EIF4G3: variants seen among roughly 807,000 people sequenced by gnomAD.
The protein encoded by EIF4G3 is eIF-4-gamma 3.
A neutral mutation model predicts 186.4 loss-of-function variants in EIF4G3; 34 were observed. The ratio of observed to expected loss-of-function variants is 0.18; its 90% CI spans 0.14 to 0.24. The LOEUF (loss-of-function observed/expected upper bound fraction) is 0.24. Among genes scored for constraint, EIF4G3 ranks in the 10% least tolerant of loss-of-function variants. The pLI, the probability that EIF4G3 is intolerant of heterozygous loss-of-function variation, is 1.00. For missense variants in EIF4G3, 1,536 were observed against 1,948.5 expected (o/e 0.79, Z 3.99); for synonymous variants, 673 against 679.5 (o/e 0.99, Z 0.15).
intron 4 of EIF4G3, among the ~76,000 whole-genome samples, chr1:21,040,079 CGTCT>C (rs2093474410): frequency 3.3e-5 from 5 of 152,188 alleles, no homozygotes; most frequent in Admixed American, 3.3e-4. Context: ...GAATCGCCAA[CGTCT>C]GTCTTTTTGT....
chr1:21,028,118 A>G (rs543108480), intron 4 of EIF4G3, among the ~76,000 whole-genome samples: 2 of 152,218 alleles, frequency 1.3e-5, no homozygotes, highest in Admixed American at 1.3e-4. Context: ...GGCTGTTGCC[A>G]GGGTGCAAAG....
chr1:21,106,459 A>G (rs2096619964), intron 2 of EIF4G3, among the ~76,000 whole-genome samples: 1 of 152,160 alleles, frequency 6.6e-6, no homozygotes, highest in African/African-American at 2.4e-5. Context: ...AGGAATAACC[A>G]AGAATAGTTT....
chr1:20,819,944 GAGAGAGAGAC>G (rs1013306939), intron 33 of EIF4G3, among the ~76,000 whole-genome samples: 1 of 152,098 alleles, frequency 6.6e-6, no homozygotes, highest in African/African-American at 2.4e-5. Context: ...CAGAAAGAAA[GAGAGAGAGAC>G]AGAGAGAGAG....
intron 2 of EIF4G3, among the ~76,000 whole-genome samples, chr1:21,163,356 T>C (rs921707113): frequency 2.6e-5 from 4 of 152,220 alleles, no homozygotes; most frequent in Non-Finnish European, 5.9e-5. Flanking sequence ...CAAACTCTAA[T>C]ATTTCTGAAA....
At position 21,035,242 on chromosome 1, in the gene EIF4G3, T is replaced by C. The variant is rs375854216; in HGVS notation, c.-67+15624A>G. 2.0e-5 allele frequency among the ~76,000 whole-genome samples: 3 copies of C among 152,302 alleles called. No individual in the cohort carries two copies. The South Asian group carries it at 6.2e-4, about 32-fold the overall frequency. On this transcript the variant is annotated intron_variant, in intron 4 of 36. Transcript: ENST00000602326. ...TGTGCAGGGCTGGCCAGGGCCACCATGCCACCTGCACCTTACCTGCCGTGG... is the reference window on the plus strand; with the variant it reads ...TGTGCAGGGCTGGCCAGGGCCACCACGCCACCTGCACCTTACCTGCCGTGG...
At position 21,120,490 on chromosome 1, in the gene EIF4G3, T is replaced by C. The variant is rs542546010; in HGVS notation, c.-271-31277A>G. On this transcript the variant is annotated intron_variant, in intron 2 of 36. Coordinates refer to ENST00000602326, the MANE Select transcript of EIF4G3 (RefSeq NM_001391906.1). ...TAAAAATAGAAAAATTAGTTGGGCA[T>C]GGTGGTGCATGCCTATAATCCCAGC... Among the ~76,000 whole-genome samples the C allele has an allele frequency of 5.3e-5, 8 of 151,934 alleles. No individual in the cohort carries two copies. In the East Asian group the frequency reaches 1.6e-3, roughly 29 times the overall value.
chr1:20,979,946 T>C (rs1434293384), intron 10 of EIF4G3, among the ~76,000 whole-genome samples: 2 of 152,138 alleles, frequency 1.3e-5, no homozygotes, highest in African/African-American at 4.8e-5. Flanking sequence ...GAGACGGGGT[T>C]TCACCATGTT....
At chr1:21,080,702 G>C (rs934253232) in intron 3 of EIF4G3, among the ~76,000 whole-genome samples, 2 of 152,008 alleles carry the variant, frequency 1.3e-5, no homozygotes, top group Non-Finnish European at 2.9e-5. Flanking sequence ...TAGAGATAGG[G>C]TTTCACCATG....
chr1:20,960,670 G>T lies in EIF4G3; in HGVS notation c.714+8804C>A, dbSNP rs537521450. The stretch of plus-strand genomic sequence containing the variant: ...CAGAAGGCTGAGGTGGAGGTGGGAG[G>T]ATTGCTTGAGCCCAGGATGTCAAGG... On this transcript the variant is annotated intron_variant, in intron 12 of 36. Coordinates refer to ENST00000602326, the MANE Select transcript of EIF4G3 (RefSeq NM_001391906.1). 4.6e-5 allele frequency among the ~76,000 whole-genome samples: 7 copies of T among 152,166 alleles called. No individual in the cohort carries two copies. In the East Asian group the frequency reaches 1.4e-3, roughly 30 times the overall value.
intron 2 of EIF4G3, among the ~76,000 whole-genome samples, chr1:21,107,372 A>G (rs761489369): frequency 6.6e-6 from 1 of 151,750 alleles, no homozygotes; most frequent in East Asian, 2.0e-4. Context: ...AAGACTGGCC[A>G]TGTTGGCCAG....
intron 2 of EIF4G3, among the ~76,000 whole-genome samples, chr1:21,141,058 C>A (rs2097328971): frequency 6.6e-6 from 1 of 152,110 alleles, no homozygotes; most frequent in African/African-American, 2.4e-5. Flanking sequence ...AGCTAAATAT[C>A]TTGAACCAAC....
intron 12 of EIF4G3, among the ~76,000 whole-genome samples, chr1:20,955,423 T>G (rs578111491): frequency 2.6e-4 from 40 of 152,054 alleles, no homozygotes; most frequent in Admixed American, 2.4e-3. Context: ...TTTGTAGAGA[T>G]GGGGTCCCAG....
rs549878341 is a variant in EIF4G3 at position 21,127,376 on chromosome 1, C to T, written c.-271-38163G>A. Reference sequence around the variant, plus strand: ...TTGGGATTACAGGCATGGGCCACCGCATCTGGCCTGCATTATTTTTTCTAC... The same window carrying T: ...TTGGGATTACAGGCATGGGCCACCGTATCTGGCCTGCATTATTTTTTCTAC... On this transcript the variant is annotated intron_variant, in intron 2 of 36. Coordinates refer to ENST00000602326, the MANE Select transcript of EIF4G3 (RefSeq NM_001391906.1). 1.8e-4 allele frequency among the ~76,000 whole-genome samples: 28 copies of T among 152,302 alleles called. No homozygotes were observed. In the South Asian group the frequency reaches 2.1e-3, roughly 11 times the overall value.
intron 2 of EIF4G3, among the ~76,000 whole-genome samples, chr1:21,122,228 T>C (rs1293373176): frequency 6.6e-6 from 1 of 152,226 alleles, no homozygotes; most frequent in African/African-American, 2.4e-5. Flanking sequence ...GAGCTCTCAA[T>C]GTAGTATTTC....
chr1:21,135,021 A>G (rs902096319), intron 2 of EIF4G3, among the ~76,000 whole-genome samples: 1 of 152,200 alleles, frequency 6.6e-6, no homozygotes, highest in Admixed American at 6.5e-5. Flanking sequence ...ATACATCATC[A>G]TCATCATGTT....
chr1:20,862,843 T>G (rs1037880389), intron 22 of EIF4G3, among the ~76,000 whole-genome samples: 1 of 152,224 alleles, frequency 6.6e-6, no homozygotes, highest in Non-Finnish European at 1.5e-5. Context: ...GGCTCAATTA[T>G]GCCTCATTGC....
intron 2 of EIF4G3, among the ~76,000 whole-genome samples, chr1:21,091,421 A>G (rs886188142): frequency 8.5e-5 from 13 of 152,138 alleles, no homozygotes; most frequent in Non-Finnish European, 1.6e-4. Context: ...TCGGCCTCCC[A>G]AAGTGCTAGG....
chr1:20,901,301 T>A (rs1047599592), intron 15 of EIF4G3, among the ~76,000 whole-genome samples: 5 of 152,278 alleles, frequency 3.3e-5, no homozygotes, highest in Admixed American at 1.3e-4. Flanking sequence ...GCCTCATTTT[T>A]AAAAATTTTA....
At position 20,942,101 on chromosome 1, in the gene EIF4G3, A is replaced by C. The variant is rs200506775; in HGVS notation, c.1053T>G (p.Thr351=). The C allele has an allele frequency of 5.9e-5, 95 of 1,614,190 alleles. No homozygotes were observed. The East Asian group carries it at 2.1e-3, about 36-fold the overall frequency. Residue 351 remains threonine (T), a synonymous_variant, in exon 14 of 37, where the codon ACT becomes ACG. Coordinates refer to ENST00000602326, the MANE Select transcript of EIF4G3 (RefSeq NM_001391906.1). ...AGAGTTCACATCTGTCATCTATAGC[A>C]GTGGTGAATATTGGTTGGCTACTAA... ...SALSSQPIFT[T]AIDDRCELSS...
Sources: allele counts gnomAD v4.1 joint callset (sites outside exome capture counted in the v4.1 genomes callset), GRCh38; gene constraint gnomAD v4.1.1; transcripts MANE v1.5; gene names NCBI Gene and HGNC (gene_info 2026-07-23, HGNC 2026-07-21).